The following IGFL2 variants were observed in gnomAD, a reference collection of about 807,000 sequenced individuals.
IGFL2 encodes the protein IGF like family member 2.
A neutral mutation model predicts 13.9 loss-of-function variants in IGFL2; 7 were observed. The observed-to-expected ratio is 0.51, with a 90% CI of 0.29 to 0.95. The LOEUF is 0.95. Among genes scored for constraint, IGFL2 ranks in the 40% least tolerant of loss-of-function variants. IGFL2 has a pLI of 0.08. For synonymous variants in IGFL2, 55 were observed against 55.8 expected (o/e 0.99, Z 0.07); for missense variants, 138 against 147.8 (o/e 0.93, Z 0.34).
At chr19:46,129,093 A>T in the IGFL2 span, among the ~76,000 whole-genome samples, 34 of 152,224 alleles carry the variant, frequency 2.2e-4, no homozygotes, top group African/African-American at 7.5e-4. Flanking sequence ...GTCCAAAAAT[A>T]TATCAGTTTC....
At chr19:46,085,824 T>C in the IGFL2 span, among the ~76,000 whole-genome samples, 1 of 152,210 alleles carries the variant, frequency 6.6e-6, no homozygotes, top group Non-Finnish European at 1.5e-5. Flanking sequence ...CTGGCAGTAA[T>C]GAAGTCCCTT....
the IGFL2 span, among the ~76,000 whole-genome samples, chr19:46,183,172 A>G: frequency 6.6e-6 from 1 of 152,164 alleles, no homozygotes; most frequent in Admixed American, 6.5e-5. Context: ...GGAGAGCAAG[A>G]CGGGGGACGT....
At chr19:46,195,841 A>C in the IGFL2 span, 1 of 152,234 alleles carries the variant, frequency 6.6e-6, no homozygotes, top group South Asian at 2.1e-4. Flanking sequence ...ATTCACATCT[A>C]GAAGGGGACC....
the IGFL2 span, chr19:46,124,104 C>G: frequency 1.9e-6 from 3 of 1,610,998 alleles, no homozygotes; most frequent in South Asian, 3.3e-5. Context: ...AGATCTTGTT[C>G]CCACACCTGG....
At chr19:46,150,264 G>T (rs919561814) in intron 1 of IGFL2, among the ~76,000 whole-genome samples, 1 of 152,090 alleles carries the variant, frequency 6.6e-6, no homozygotes, top group Non-Finnish European at 1.5e-5. Flanking sequence ...TAGAAGATAT[G>T]CTGGATACTC....
At chr19:46,193,872 T>TA in the IGFL2 span, among the ~76,000 whole-genome samples, 1 of 152,206 alleles carries the variant, frequency 6.6e-6, no homozygotes, top group South Asian at 2.1e-4. Flanking sequence ...GTCAGAGTAT[T>TA]ACCACAGTGT....
At chr19:46,133,154 C>T in the IGFL2 span, among the ~76,000 whole-genome samples, 1 of 152,114 alleles carries the variant, frequency 6.6e-6, no homozygotes, top group Non-Finnish European at 1.5e-5. Flanking sequence ...TCCAGCAGTC[C>T]CATCAGCTCA....
At chr19:46,121,067 A>G in the IGFL2 span, among the ~76,000 whole-genome samples, 2 of 150,448 alleles carry the variant, frequency 1.3e-5, no homozygotes, top group Admixed American at 1.3e-4. Context: ...GAACATGTAC[A>G]TTTTTCAGCG....
At chr19:46,149,175 CTTCTCT>C (rs748760958) in intron 1 of IGFL2, 3 of 564,684 alleles carry the variant, frequency 5.3e-6, no homozygotes, top group Non-Finnish European at 6.7e-6. Context: ...CTCTCTCTCT[CTTCTCT>C]CTCTCTTTCT....
At chr19:46,158,037 A>G (rs1004883876) in intron 1 of IGFL2, among the ~76,000 whole-genome samples, 8 of 152,328 alleles carry the variant, frequency 5.3e-5, no homozygotes, top group South Asian at 2.1e-4. Context: ...AGCACCTGCA[A>G]TTGTTCAAAA....
the IGFL2 span, among the ~76,000 whole-genome samples, chr19:46,082,387 T>A: frequency 1.3e-5 from 2 of 152,202 alleles, no homozygotes; most frequent in African/African-American, 4.8e-5. Flanking sequence ...TTAGAGAGAC[T>A]GTAATTCTCT....
the IGFL2 span, chr19:46,203,336 G>A: frequency 1.6e-3 from 249 of 152,828 alleles, 1 homozygote; most frequent in African/African-American, 5.7e-3. Flanking sequence ...AGATGTATAC[G>A]TGCAGGTCAC....
At chr19:46,087,186 C>T in the IGFL2 span, among the ~76,000 whole-genome samples, 570 of 152,280 alleles carry the variant, frequency 3.7e-3, 6 homozygotes, top group African/African-American at 0.013. Context: ...GCATAAGTAG[C>T]ATGGGCAATG....
At chr19:46,096,942 G>A in the IGFL2 span, among the ~76,000 whole-genome samples, 1 of 152,090 alleles carries the variant, frequency 6.6e-6, no homozygotes, top group East Asian at 1.9e-4. Flanking sequence ...GGATTTTTGC[G>A]TTGGTATTCA....
the IGFL2 span, chr19:46,214,395 C>G: frequency 2.6e-5 from 4 of 152,220 alleles, no homozygotes; most frequent in African/African-American, 4.8e-5. Flanking sequence ...GTGCTATTGC[C>G]TAAAGTGATG....
At chr19:46,098,146 G>A in the IGFL2 span, among the ~76,000 whole-genome samples, 2,483 of 152,296 alleles carry the variant, frequency 0.016, 33 homozygotes, top group South Asian at 0.047. Flanking sequence ...AAGTCTCTTT[G>A]TAGGTCTCTA....
the IGFL2 span, among the ~76,000 whole-genome samples, chr19:46,083,855 C>T: frequency 2.0e-5 from 3 of 152,112 alleles, no homozygotes; most frequent in African/African-American, 7.2e-5. Context: ...TCCTCTGATC[C>T]TCGGTTGTTT....
chr19:46,182,161 G>A, the IGFL2 span, among the ~76,000 whole-genome samples: 2 of 152,054 alleles, frequency 1.3e-5, no homozygotes, highest in Non-Finnish European at 2.9e-5. Flanking sequence ...AAGGTCAGGA[G>A]TTCGAGATGA....
chr19:46,145,762 T>G (rs989546570), upstream of IGFL2, among the ~76,000 whole-genome samples: 18 of 152,124 alleles, frequency 1.2e-4, no homozygotes, highest in Non-Finnish European at 2.2e-4. Flanking sequence ...ACTTTTCATG[T>G]GCTTATTTGC....
Sources: gnomAD v4.1 joint callset for allele counts (sites outside exome capture counted in the v4.1 genomes callset) on GRCh38, gnomAD v4.1.1 for gene constraint, MANE v1.5 for transcripts, NCBI Gene and HGNC (gene_info 2026-07-23, HGNC 2026-07-21) for gene names.